SPMIP2: variants seen among roughly 807,000 people sequenced by gnomAD.
SPMIP2 encodes the protein protein SPMIP2.
chr4:158,931,888 T>C, the SPMIP2 span, among the ~76,000 whole-genome samples: 1 of 152,140 alleles, frequency 6.6e-6, no homozygotes, highest in Non-Finnish European at 1.5e-5. Flanking sequence ...AAATAATTGC[T>C]ATCTTTTTAT....
At chr4:158,980,858 G>A in the SPMIP2 span, among the ~76,000 whole-genome samples, 1 of 152,214 alleles carries the variant, frequency 6.6e-6, no homozygotes. Flanking sequence ...CGGAGAATGA[G>A]TTTGATGAAC....
chr4:158,999,539 T>C, the SPMIP2 span, among the ~76,000 whole-genome samples: 1 of 152,364 alleles, frequency 6.6e-6, no homozygotes, highest in African/African-American at 2.4e-5. Flanking sequence ...ATCTGGATTA[T>C]TGAGAAATAT....
chr4:158,908,512 A>G, the SPMIP2 span, among the ~76,000 whole-genome samples: 1 of 152,224 alleles, frequency 6.6e-6, no homozygotes, highest in Non-Finnish European at 1.5e-5. Flanking sequence ...TTTTAGCAAG[A>G]AGTGGTCACT....
At chr4:158,949,806 T>C in the SPMIP2 span, among the ~76,000 whole-genome samples, 1 of 152,308 alleles carries the variant, frequency 6.6e-6, no homozygotes, top group South Asian at 2.1e-4. Context: ...AGTCTAAGAT[T>C]ATGAGCAGAC....
the SPMIP2 span, among the ~76,000 whole-genome samples, chr4:158,981,566 A>G: frequency 2.0e-5 from 3 of 152,162 alleles, no homozygotes; most frequent in Non-Finnish European, 4.4e-5. Flanking sequence ...ATTCTTAAAG[A>G]AAAGAATTTT....
chr4:158,980,771 T>C, the SPMIP2 span, among the ~76,000 whole-genome samples: 1 of 152,154 alleles, frequency 6.6e-6, no homozygotes, highest in African/African-American at 2.4e-5. Context: ...GCAAAAAGAC[T>C]GAAAATTCCA....
At chr4:158,941,325 G>C in the SPMIP2 span, among the ~76,000 whole-genome samples, 2 of 152,148 alleles carry the variant, frequency 1.3e-5, no homozygotes, top group Non-Finnish European at 2.9e-5. Flanking sequence ...ACCCACAACA[G>C]AATCTGAGTA....
chr4:159,022,332 T>C, the SPMIP2 span, among the ~76,000 whole-genome samples: 1 of 152,330 alleles, frequency 6.6e-6, no homozygotes, highest in South Asian at 2.1e-4. Context: ...ATATTATCAT[T>C]TACAGAATGG....
the SPMIP2 span, chr4:158,907,190 T>C: frequency 6.6e-6 from 1 of 152,260 alleles, no homozygotes; most frequent in Non-Finnish European, 1.5e-5. Flanking sequence ...AAGGTAATTG[T>C]GTACGTTTTA....
At chr4:159,003,576 G>A in the SPMIP2 span, among the ~76,000 whole-genome samples, 27 of 152,032 alleles carry the variant, frequency 1.8e-4, no homozygotes, top group Non-Finnish European at 1.3e-4. Context: ...TGTACAGTAC[G>A]GCGCCTCAGA....
the SPMIP2 span, chr4:159,026,284 A>G: frequency 5.2e-6 from 3 of 571,898 alleles, no homozygotes; most frequent in Admixed American, 4.5e-5. Flanking sequence ...CACCATAAAA[A>G]CTCAGAGCAC....
At chr4:159,020,212 G>C in the SPMIP2 span, among the ~76,000 whole-genome samples, 441 of 152,214 alleles carry the variant, frequency 2.9e-3, 4 homozygotes, top group African/African-American at 0.01. Flanking sequence ...TATATGTGCA[G>C]GTTTTCCCTT....
the SPMIP2 span, chr4:159,007,881 G>GA: frequency 2.9e-5 from 14 of 482,262 alleles, no homozygotes; most frequent in South Asian, 3.1e-5. Context: ...TTGTGTGTGG[G>GA]AAAAAAAAGA....
chr4:158,948,256 C>G, the SPMIP2 span, among the ~76,000 whole-genome samples: 1 of 152,150 alleles, frequency 6.6e-6, no homozygotes, highest in Non-Finnish European at 1.5e-5. Flanking sequence ...CTTTGTTTTA[C>G]CTGCTTGTCC....
the SPMIP2 span, among the ~76,000 whole-genome samples, chr4:159,009,848 CAG>C: frequency 6.6e-6 from 1 of 152,014 alleles, no homozygotes; most frequent in Non-Finnish European, 1.5e-5. Context: ...TAGCCCGACA[CAG>C]TGGTGTACGC....
the SPMIP2 span, among the ~76,000 whole-genome samples, chr4:158,953,385 G>A: frequency 4.6e-5 from 7 of 152,226 alleles, no homozygotes; most frequent in South Asian, 2.1e-4. Context: ...TTGAGCCTGC[G>A]AGTACACATA....
the SPMIP2 span, among the ~76,000 whole-genome samples, chr4:159,074,465 C>T: frequency 6.6e-6 from 1 of 152,204 alleles, no homozygotes; most frequent in East Asian, 1.9e-4. Context: ...CCACAGAGAG[C>T]CCCAAGGTTA....
chr4:159,017,356 T>TACACATACACACACAC, the SPMIP2 span, among the ~76,000 whole-genome samples: 307 of 149,410 alleles, frequency 2.1e-3, 1 homozygote, highest in African/African-American at 5.4e-3. Context: ...CACAAACACA[T>TACACATACACACACAC]ACACACACAC....
At chr4:158,913,864 CAA>C in the SPMIP2 span, among the ~76,000 whole-genome samples, 57 of 148,908 alleles carry the variant, frequency 3.8e-4, no homozygotes, top group Admixed American at 1.1e-3. Flanking sequence ...AAAAAAAAGA[CAA>C]GAGAAGTTGG....
Sources: gnomAD v4.1 joint callset for allele counts (sites outside exome capture counted in the v4.1 genomes callset) on GRCh38, gnomAD v4.1.1 for gene constraint, MANE v1.5 for transcripts, NCBI Gene and HGNC (gene_info 2026-07-23, HGNC 2026-07-21) for gene names.